CEP290: variants seen among roughly 807,000 people sequenced by gnomAD.
CEP290 encodes the protein centrosomal protein of 290 kDa.
Under a neutral mutation model 344.9 loss-of-function variants are expected in CEP290, and 317 were observed. The observed-to-expected ratio is 0.92, with a 90% CI of 0.84 to 1.01. The LOEUF is 1.01. CEP290 is among the 50% of genes least tolerant of loss of function. CEP290 has a pLI of 0.00. For synonymous variants in CEP290, 932 were observed against 895.8 expected, an observed-to-expected ratio of 1.04 and a Z score of -0.72; for missense variants, 2,754 against 2,761.4, an observed-to-expected ratio of 1.00 and a Z score of 0.06.
At chr12:88,129,077 T>A in intron 10 of CEP290, 42 bp from the exon 11 acceptor site, 1 of 1,172,876 alleles carries the variant, frequency 8.5e-7, no homozygotes. Flanking sequence ...CAAACTGATG[T>A]AACATATATT....
At position 88,130,333 on chromosome 12, in the gene CEP290, T is replaced by C; in HGVS notation, c.604A>G (p.Ser202Gly). 1 of 1,609,524 alleles carries C rather than the reference T, an allele frequency of 6.2e-7. No individual in the cohort carries two copies. Among genetic ancestry groups the C allele is most frequent in the South Asian group, 1.1e-5 (1 of 90,024 alleles). The change falls in exon 9 of 54, where the codon AGT becomes GGT. Residue 202 changes from serine (S) to glycine (G), a missense_variant. Coordinates refer to ENST00000552810, the MANE Select transcript of CEP290 (RefSeq NM_025114.4). ...ETLLSRRGED[S>G]DYRSQLSKKN... ...TTAGACAACTGTGATCGGTAGTCAC[T>C]GTCTTCCCCTCTTCTTGATAAAAGT...
rs771815959 is a variant in CEP290 at position 88,093,904 on chromosome 12, T to G, written c.3175A>C (p.Ile1059Leu). Residue 1059 changes from isoleucine (I) to leucine (L), a missense_variant, in exon 28 of 54, where the codon ATA becomes CTA. By Grantham distance (5) the Ile-to-Leu change is conservative (BLOSUM62 2). Coordinates refer to ENST00000552810, the MANE Select transcript of CEP290 (RefSeq NM_025114.4). Reference protein sequence around the residue: ...NSDIVSISKKITMLEMKELNE... With the variant: ...NSDIVSISKKLTMLEMKELNE... The stretch of plus-strand genomic sequence containing the variant: ...AATTCCTTCATTTCCAGCATAGTTA[T>G]TTTTTTTGAAATGGAAACAATGTCA... The G allele has an allele frequency of 1.2e-6, 2 of 1,600,800 alleles. No homozygotes were observed. Among genetic ancestry groups the G allele is most frequent in the Non-Finnish European group, 1.7e-6 (2 of 1,170,774 alleles).
chr12:88,071,791 G>A lies in CEP290; in HGVS notation c.5845C>T (p.Leu1949Phe), dbSNP rs761572735. The A allele has an allele frequency of 1.9e-6, 3 of 1,590,760 alleles. No homozygotes were observed. Among genetic ancestry groups the A allele is most frequent in the Non-Finnish European group, 2.6e-6 (3 of 1,172,312 alleles). Residue 1949 changes from leucine (L) to phenylalanine (F), a missense_variant, in exon 42 of 54, where the codon CTT becomes TTT. Transcript: ENST00000552810. ...GATATTTAAACTCACTTGGCAAAAAGATCCTTCAAAGTATTCAACTGCTTT... is the reference window on the plus strand; with the variant it reads ...GATATTTAAACTCACTTGGCAAAAAAATCCTTCAAAGTATTCAACTGCTTT... ...LTKQLNTLKD[L>F]FAKADKEKLT...
chr12:88,093,939 AT>A lies in CEP290; in HGVS notation c.3139del (p.Ile1047Ter). ...AATGGAAACAATGTCACTGTTGGTT[AT>A]TGATTTCTTTGCCTTATCCATGCTA... Reference protein sequence around the residue: ...ESSMDKAKKSITNSDIVSISK... With the variant: ...ESSMDKAKKSXTNSDIVSISK... On this transcript the variant is annotated frameshift_variant, in exon 28 of 54. Coordinates refer to ENST00000552810, the MANE Select transcript of CEP290 (RefSeq NM_025114.4). LOFTEE classifies it high-confidence loss of function. 1 of 1,611,950 alleles carries A rather than the reference AT, an allele frequency of 6.2e-7. No individual in the cohort carries two copies. The highest frequency in any genetic ancestry group is 8.5e-7 in the Non-Finnish European group (1 of 1,179,176).
Position 88,079,106 on chromosome 12 carries a change from T to C in CEP290, c.5350A>G (p.Thr1784Ala), listed in dbSNP as rs748668047. 2.5e-6 allele frequency: 4 copies of C among 1,591,600 alleles called. No individual in the cohort carries two copies. The highest frequency in any genetic ancestry group is 3.4e-6 in the Non-Finnish European group (4 of 1,172,140). ...LNVQQIVDRH[T>A]RELKTQVEDL... The stretch of plus-strand genomic sequence containing the variant: ...TTGATGTTCACCTTTAGCTCTCTAG[T>C]ATGTCGATCAACGATTTGTTGAACA... The change falls in exon 39 of 54, where the codon ACT becomes GCT. Residue 1784 changes from threonine to alanine, a missense_variant. Coordinates refer to ENST00000552810, the MANE Select transcript of CEP290 (RefSeq NM_025114.4).
chr12:88,075,316 G>A lies in CEP290; in HGVS notation c.5709+1906C>T, dbSNP rs552207498. On this transcript the variant is annotated intron_variant, in intron 41 of 53. Coordinates refer to ENST00000552810, the MANE Select transcript of CEP290 (RefSeq NM_025114.4). ...TTATGTTCTAGACTGAATGAGAAGA[G>A]GGAAGAAGACTGGATGATAAGGCAG... Among the ~76,000 whole-genome samples, 7 of 152,190 alleles carry A rather than the reference G, an allele frequency of 4.6e-5. No homozygotes were observed. The South Asian group carries it at 1.2e-3, about 27-fold the overall frequency.
intron 27 of CEP290, among the ~76,000 whole-genome samples, chr12:88,094,675 G>A (rs962088533): frequency 3.3e-5 from 5 of 151,798 alleles, no homozygotes; most frequent in Non-Finnish European, 5.9e-5. Flanking sequence ...TTTTTTGAGG[G>A]GGGGGGAAGA....
At chr12:88,070,215 T>C (rs180790946) in intron 43 of CEP290, among the ~76,000 whole-genome samples, 2 of 152,262 alleles carry the variant, frequency 1.3e-5, no homozygotes, top group Admixed American at 6.5e-5. Context: ...CCTAAATGCA[T>C]GGAGCAACCA....
At chr12:88,138,653 C>T (rs534065149) in intron 5 of CEP290, among the ~76,000 whole-genome samples, 1 of 152,310 alleles carries the variant, frequency 6.6e-6, no homozygotes, top group African/African-American at 2.4e-5. Context: ...TATACACATC[C>T]ACTCTTCCCA....
Position 88,053,827 on chromosome 12 carries a change from GA to G in CEP290, c.7035-82del. ...ATATGGGCATTTCTTATGAACTAGT[GA>G]TGTACAGTAATCAGAACAAGCTAGC... On this transcript the variant is annotated intron_variant, in intron 51 of 53. Transcript: ENST00000552810. 5.9e-6 allele frequency: 4 copies of G among 683,354 alleles called. No individual in the cohort carries two copies. In the South Asian group the frequency reaches 7.3e-5, roughly 12 times the overall value. The allele number at this position is 683,354 out of a possible 1,614,324, so 42.3% of individuals were successfully genotyped here.
intron 18 of CEP290, chr12:88,115,607 G>A (rs2038991975): frequency 1.7e-6 from 2 of 1,199,448 alleles, no homozygotes; most frequent in South Asian, 2.5e-5. Flanking sequence ...AAGTCAATGA[G>A]TTCATATCAA....
intron 49 of CEP290, chr12:88,058,574 C>T: frequency 2.5e-6 from 1 of 403,244 alleles, no homozygotes; most frequent in Non-Finnish European, 4.4e-6. Flanking sequence ...ATGACAGCTT[C>T]ATGACGCACA....
At chr12:88,060,693 T>G in intron 47 of CEP290, 137 bp downstream of exon 47, 1 of 624,308 alleles carries the variant, frequency 1.6e-6, no homozygotes, top group Non-Finnish European at 2.6e-6. Context: ...CTCTCATAAG[T>G]TTTTTTCTAT....
At position 88,129,811 on chromosome 12, in the gene CEP290, C is replaced by G; in HGVS notation, c.735G>C (p.Glu245Asp). Residue 245 changes from glutamate to aspartate, a missense_variant, in exon 10 of 54, where the codon GAG (glutamate) becomes GAC (aspartate). Physicochemically the swap from Glu to Asp is conservative, Grantham distance 45. Transcript: ENST00000552810. ...QNQEMRKNLE[E>D]SVQEMEKMTD... ...TCATCTTCTCCATTTCCTGTACAGA[C>G]TCTTCTAAATTTTTTCTCATTTCTT... 1 of 1,469,168 alleles carries G rather than the reference C, an allele frequency of 6.8e-7. No homozygotes were observed. Among genetic ancestry groups the G allele is most frequent in the Non-Finnish European group, 9.0e-7 (1 of 1,110,280 alleles). The allele number at this position is 1,469,168 out of a possible 1,614,324, so 91.0% of individuals were successfully genotyped here.
At chr12:88,112,919 A>G (rs2038797270) in intron 20 of CEP290, among the ~76,000 whole-genome samples, 1 of 152,126 alleles carries the variant, frequency 6.6e-6, no homozygotes, top group Non-Finnish European at 1.5e-5. Context: ...GACTTTGGTA[A>G]AATGAGAATG....
intron 14 of CEP290, 90 bp from the exon 15 acceptor site, chr12:88,120,366 G>A (rs982682669): frequency 6.4e-6 from 4 of 626,884 alleles, no homozygotes; most frequent in Non-Finnish European, 9.9e-6. Context: ...TAAGTCTAAA[G>A]GAAAATGTAC....
In CEP290 at chr12:88,050,582, G is replaced by A. The variant is rs2033403085; in HGVS notation, c.7130-149C>T. ...TGTTATGGCTGAAATACTTCAGGATGTAAACACTTAATGCTGCCTCCCTCC... is the reference window on the plus strand; with the variant it reads ...TGTTATGGCTGAAATACTTCAGGATATAAACACTTAATGCTGCCTCCCTCC... On this transcript the variant is annotated intron_variant, in intron 52 of 53. Transcript: ENST00000552810. The A allele has an allele frequency of 5.9e-6, 3 of 511,518 alleles. No homozygotes were observed. In the East Asian group the frequency reaches 1.0e-4, roughly 17 times the overall value. The allele number at this position is 511,518 out of a possible 1,614,324, so 31.7% of individuals were successfully genotyped here. A position where few individuals can be genotyped will look rare whatever the true frequency, so the allele number is the denominator to read the frequency against.
At chr12:88,076,935 G>C (rs2035822255) in intron 41 of CEP290, among the ~76,000 whole-genome samples, 1 of 151,976 alleles carries the variant, frequency 6.6e-6, no homozygotes, top group Admixed American at 6.6e-5. Context: ...AGGTGTGAAG[G>C]AACTTCAGAG....
chr12:88,120,858 T>C, intron 14 of CEP290, 139 bp downstream of exon 14: 1 of 700,284 alleles, frequency 1.4e-6, no homozygotes, highest in South Asian at 2.4e-5. Context: ...AATAGTTTAG[T>C]ATAAATTAAT....
Sources: allele counts gnomAD v4.1 joint callset (sites outside exome capture counted in the v4.1 genomes callset), GRCh38; gene constraint gnomAD v4.1.1; transcripts MANE v1.5; gene names NCBI Gene and HGNC (gene_info 2026-07-23, HGNC 2026-07-21).